Variants in FGF14 observed in about 807,000 individuals in gnomAD.
FGF14 encodes the protein fibroblast growth factor homologous factor 4.
A neutral mutation model predicts 25.5 loss-of-function variants in FGF14; 5 were observed. The observed-to-expected ratio is 0.20, with a 90% confidence interval of 0.10 to 0.41. FGF14 has a LOEUF of 0.41. Ranked by LOEUF, FGF14 falls within the 10% of genes least tolerant of loss-of-function variation. The pLI is 1.00. For synonymous variants in FGF14, 138 were observed against 118.3 expected (o/e 1.17, Z -1.08); for missense variants, 222 against 320.1 (o/e 0.69, Z 2.34).
chr13:102,116,298 A>G (rs2045467444), intron 1 of FGF14, among the ~76,000 whole-genome samples: 1 of 152,188 alleles, frequency 6.6e-6, no homozygotes, highest in African/African-American at 2.4e-5. Flanking sequence ...ACAGTTTGAG[A>G]GTTCCTCAAA....
chr13:101,715,407 C>T lies in FGF14; in HGVS notation c.*7424G>A. 1.5e-6 allele frequency: 1 copy of T among 645,516 alleles called. No individual in the cohort carries two copies. The highest frequency in any genetic ancestry group is 2.8e-6 in the Non-Finnish European group (1 of 358,650). 40.0% of individuals were successfully genotyped at this position (645,516 alleles called of 1,614,324 possible). A position where few individuals can be genotyped will look rare whatever the true frequency, so the allele number is the denominator to read the frequency against. ...TGAAAGATTAGATGTCTCGCAGCTG[C>T]TTAATAAGATGTAATAATAACATCA... On this transcript the variant is annotated 3_prime_UTR_variant, in exon 5 of 5. Transcript: ENST00000376143.
intron 1 of FGF14, among the ~76,000 whole-genome samples, chr13:102,145,814 A>G (rs1021175609): frequency 6.6e-6 from 1 of 152,178 alleles, no homozygotes; most frequent in Non-Finnish European, 1.5e-5. Context: ...ACAGGGAGAG[A>G]GAGTATTTAG....
At chr13:101,972,345 A>T (rs1218775872) in intron 1 of FGF14, among the ~76,000 whole-genome samples, 2 of 152,190 alleles carry the variant, frequency 1.3e-5, no homozygotes, top group African/African-American at 4.8e-5. Flanking sequence ...CCAACTGAAA[A>T]CATTAAAATA....
chr13:102,078,694 G>A (rs760029645), intron 1 of FGF14, among the ~76,000 whole-genome samples: 1 of 152,158 alleles, frequency 6.6e-6, no homozygotes, highest in Non-Finnish European at 1.5e-5. Flanking sequence ...TGGAGACAAT[G>A]TAGCACAGCT....
intron 1 of FGF14, among the ~76,000 whole-genome samples, chr13:101,941,628 T>C (rs2035457003): frequency 6.6e-6 from 1 of 152,190 alleles, no homozygotes; most frequent in African/African-American, 2.4e-5. Flanking sequence ...ACAGAAATCT[T>C]GCAAAAGAGG....
At chr13:101,824,443 T>C (rs1348497975) in intron 3 of FGF14, among the ~76,000 whole-genome samples, 1 of 152,236 alleles carries the variant, frequency 6.6e-6, no homozygotes, top group African/African-American at 2.4e-5. Flanking sequence ...TGATTACTTC[T>C]TCGTTTTCTC....
intron 1 of FGF14, among the ~76,000 whole-genome samples, chr13:102,275,400 G>T (rs1049770905): frequency 2.0e-5 from 3 of 151,866 alleles, no homozygotes; most frequent in Non-Finnish European, 4.4e-5. Context: ...TGGACAAGGG[G>T]CTATTATATT....
At chr13:102,320,397 C>T (rs1161902299) in intron 1 of FGF14, among the ~76,000 whole-genome samples, 5 of 152,150 alleles carry the variant, frequency 3.3e-5, no homozygotes, top group African/African-American at 9.7e-5. Context: ...GCAAACACTT[C>T]TGGGCACCTC....
At chr13:102,262,374 A>C (rs1385181275) in intron 1 of FGF14, among the ~76,000 whole-genome samples, 1 of 152,096 alleles carries the variant, frequency 6.6e-6, no homozygotes, top group African/African-American at 2.4e-5. Flanking sequence ...CAACCAATCA[A>C]ACTTAAAAAG....
In FGF14 at chr13:101,718,961, A is replaced by C. The variant is rs1006857800; in HGVS notation, c.*3870T>G. The C allele has an allele frequency of 5.9e-5, 9 of 151,910 alleles. No individual in the cohort carries two copies. Among genetic ancestry groups the C allele is most frequent in the Non-Finnish European group, 2.9e-5 (2 of 67,994 alleles). The allele number at this position is 151,910 out of a possible 1,614,324, so 9.4% of individuals were successfully genotyped here. A position where few individuals can be genotyped will look rare whatever the true frequency, so the allele number is the denominator to read the frequency against. On this transcript the variant is annotated 3_prime_UTR_variant, in exon 5 of 5. Coordinates refer to ENST00000376143, the MANE Select transcript of FGF14 (RefSeq NM_004115.4). ...AAGACCATGTACATCCTGGATTTTG[A>C]TATGCCTGCATTTTGGAAAAAAAAA...
In FGF14 at chr13:102,390,193, G is replaced by T. The variant is rs145538949; in HGVS notation, c.208+11278C>A. ...CGGTTGCTTCTCAGAGTGGGGATGG[G>T]TAGGAACAGAATGGAAATAAGAAAA... On this transcript the variant is annotated intron_variant, in intron 1 of 4. Transcript: ENST00000376131. Among the ~76,000 whole-genome samples the T allele has an allele frequency of 3.2e-3, 489 of 152,272 alleles. 4 individuals carry two copies. Among genetic ancestry groups the T allele is most frequent in the Middle Eastern group, 0.01 (3 of 294 alleles).
At position 102,379,080 on chromosome 13, in the gene FGF14, G is replaced by T. The variant is rs140289429; in HGVS notation, c.208+22391C>A. 1.5e-3 allele frequency among the ~76,000 whole-genome samples: 229 copies of T among 152,168 alleles called. 3 individuals are homozygous for T. Among genetic ancestry groups the T allele is most frequent in the African/African-American group, 5.1e-3 (211 of 41,524 alleles). On this transcript the variant is annotated intron_variant, in intron 1 of 4. Transcript: ENST00000376131. ...ATTCTGGAGGACACTGTCTATTAAA[G>T]GGAAATACCCAGGCAAATCGAAATT...
intron 1 of FGF14, among the ~76,000 whole-genome samples, chr13:101,964,340 A>C (rs2139481687): frequency 6.6e-6 from 1 of 152,342 alleles, no homozygotes; most frequent in East Asian, 1.9e-4. Flanking sequence ...GTATCCCCAC[A>C]ACTGGATACG....
intron 1 of FGF14, among the ~76,000 whole-genome samples, chr13:101,906,226 G>A (rs1396200960): frequency 6.6e-6 from 1 of 152,164 alleles, no homozygotes; most frequent in Non-Finnish European, 1.5e-5. Flanking sequence ...CATGAAAACA[G>A]CAGTCATCTC....
At chr13:101,779,809 GGAA>G (rs1398025063) in intron 3 of FGF14, among the ~76,000 whole-genome samples, 1 of 152,134 alleles carries the variant, frequency 6.6e-6, no homozygotes, top group Non-Finnish European at 1.5e-5. Flanking sequence ...ATTTACAAAA[GGAA>G]CAACTAGCAC....
chr13:101,928,550 T>A (rs1472028199), intron 1 of FGF14, among the ~76,000 whole-genome samples: 1 of 152,158 alleles, frequency 6.6e-6, no homozygotes, highest in Non-Finnish European at 1.5e-5. Flanking sequence ...TTCCCTATTT[T>A]TTTTTGAGAC....
intron 1 of FGF14, among the ~76,000 whole-genome samples, chr13:102,174,865 T>C (rs1196948109): frequency 6.6e-6 from 1 of 151,956 alleles, no homozygotes; most frequent in Non-Finnish European, 1.5e-5. Flanking sequence ...GACCTCAGCA[T>C]CACACAATAT....
chr13:102,041,609 T>G (rs1387057196), intron 1 of FGF14, among the ~76,000 whole-genome samples: 1 of 149,166 alleles, frequency 6.7e-6, no homozygotes, highest in African/African-American at 2.6e-5. Context: ...GAGATTTTAT[T>G]AAAAAATGTT....
At chr13:102,298,181 TGAAAATCA>T (rs1369296013) in intron 1 of FGF14, among the ~76,000 whole-genome samples, 2 of 152,116 alleles carry the variant, frequency 1.3e-5, no homozygotes, top group African/African-American at 4.8e-5. Flanking sequence ...AAAAAACTCA[TGAAAATCA>T]AGAAGGATGC....
Sources: allele counts gnomAD v4.1 joint callset (sites outside exome capture counted in the v4.1 genomes callset), GRCh38; gene constraint gnomAD v4.1.1; transcripts MANE v1.5; gene names NCBI Gene and HGNC (gene_info 2026-07-23, HGNC 2026-07-21).